AHI1: variants seen among roughly 807,000 people sequenced by gnomAD.
AHI1 encodes Abelson helper integration site 1, also known as jouberin.
In AHI1, 123 loss-of-function variants were observed where a neutral mutation model predicts 149.3. That is an observed-to-expected ratio of 0.82 (90% confidence interval 0.71 to 0.96). The LOEUF is 0.96. Among genes scored for constraint, AHI1 ranks in the 40% least tolerant of loss-of-function variants. The pLI is 0.00. For synonymous variants in AHI1, 475 were observed against 459.8 expected (o/e 1.03, Z -0.42); for missense variants, 1,439 against 1,422.7 (o/e 1.01, Z -0.18).
intron 17 of AHI1, 66 bp from the exon 18 acceptor site, chr6:135,430,066 C>T (rs1444753969): frequency 1.0e-5 from 8 of 798,148 alleles, no homozygotes; most frequent in Non-Finnish European, 1.6e-5. Flanking sequence ...TTTGGGGGTA[C>T]AAAATTAATC....
At chr6:135,478,166 C>T (rs1284616890) in intron 5 of AHI1, among the ~76,000 whole-genome samples, 1 of 152,060 alleles carries the variant, frequency 6.6e-6, no homozygotes, top group Non-Finnish European at 1.5e-5. Context: ...AGAAGTGGGG[C>T]ATTGCTATAA....
At chr6:135,407,940 C>A (rs972580848) in intron 21 of AHI1, among the ~76,000 whole-genome samples, 1 of 151,628 alleles carries the variant, frequency 6.6e-6, no homozygotes, top group South Asian at 2.1e-4. Flanking sequence ...GAGGCTGAGG[C>A]AGGAGAATGG....
At chr6:135,440,544 C>T (rs956649086) in intron 14 of AHI1, among the ~76,000 whole-genome samples, 1 of 152,084 alleles carries the variant, frequency 6.6e-6, no homozygotes, top group Admixed American at 6.6e-5. Context: ...ACTTCTCACT[C>T]GGGCTGACGT....
chr6:135,428,908 A>G, intron 18 of AHI1, 149 bp from the exon 19 acceptor site: 1 of 690,132 alleles, frequency 1.4e-6, no homozygotes, highest in East Asian at 2.9e-5. Context: ...AATATAATGG[A>G]TGCAGAATAA....
intron 5 of AHI1, among the ~76,000 whole-genome samples, chr6:135,476,156 T>C (rs1213488980): frequency 6.6e-6 from 1 of 152,174 alleles, no homozygotes; most frequent in Non-Finnish European, 1.5e-5. Context: ...TGTAATTTCA[T>C]TTTTAGTTAG....
intron 26 of AHI1, chr6:135,304,929 G>C (rs1029813643): frequency 6.6e-6 from 1 of 152,052 alleles, no homozygotes; most frequent in Admixed American, 6.5e-5. Context: ...ATCTTTGAGG[G>C]GTAAGACCTA....
At chr6:135,295,943 C>T (rs560149417) in intron 27 of AHI1, among the ~76,000 whole-genome samples, 1 of 152,326 alleles carries the variant, frequency 6.6e-6, no homozygotes, top group Non-Finnish European at 1.5e-5. Context: ...ATCTCCACCT[C>T]CCGGGTTCAA....
At chr6:135,407,999 T>C (rs1032372853) in intron 21 of AHI1, among the ~76,000 whole-genome samples, 20 of 151,424 alleles carry the variant, frequency 1.3e-4, no homozygotes, top group East Asian at 3.9e-4. Flanking sequence ...CGTGCCACTG[T>C]ACTCCAGCCT....
intron 22 of AHI1, among the ~76,000 whole-genome samples, chr6:135,396,798 T>TAC (rs1398691168): frequency 2.0e-5 from 3 of 151,734 alleles, no homozygotes; most frequent in Non-Finnish European, 3.0e-5. Flanking sequence ...TATATCTATA[T>TAC]ACACACACAT....
intron 20 of AHI1, among the ~76,000 whole-genome samples, chr6:135,413,134 GC>G (rs1455372457): frequency 6.6e-6 from 1 of 151,896 alleles, no homozygotes; most frequent in East Asian, 1.9e-4. Flanking sequence ...TTTGAGACCA[GC>G]CCTGGCAAGA....
chr6:135,480,673 G>T (rs1793477746), intron 5 of AHI1, among the ~76,000 whole-genome samples: 2 of 152,230 alleles, frequency 1.3e-5, no homozygotes, highest in South Asian at 4.2e-4. Flanking sequence ...TCCATCAATG[G>T]GTTAACCAAT....
At chr6:135,419,317 C>A (rs934753312) in intron 20 of AHI1, among the ~76,000 whole-genome samples, 3 of 152,054 alleles carry the variant, frequency 2.0e-5, no homozygotes, top group Non-Finnish European at 2.9e-5. Flanking sequence ...GTTCCTATTC[C>A]ATTATCAATC....
chr6:135,457,451 A>T, intron 9 of AHI1, 43 bp downstream of exon 9: 1 of 1,445,210 alleles, frequency 6.9e-7, no homozygotes, highest in Non-Finnish European at 9.6e-7. Context: ...GACTTCTACT[A>T]GTTTCAGTTT....
intron 17 of AHI1, 122 bp downstream of exon 17, chr6:135,431,086 A>G: frequency 1.6e-6 from 1 of 631,804 alleles, no homozygotes; most frequent in South Asian, 2.7e-5. Flanking sequence ...GATAACTAAG[A>G]AAAACTGTTA....
At position 135,457,524 on chromosome 6, in the gene AHI1, T is replaced by A. The variant is rs145996720; in HGVS notation, c.1121A>T (p.His374Leu). The A allele has an allele frequency of 3.7e-6, 6 of 1,613,768 alleles. No homozygotes were observed. The East Asian group carries it at 8.9e-5, about 24-fold the overall frequency. ...PMVKIHVVDE[H>L]TGQYVKKDDS... Reference sequence around the variant, plus strand: ...ATCTTTCTTGACATATTGACCAGTATGCTCATCAACCACATGAATTTTTAC... The same window carrying A: ...ATCTTTCTTGACATATTGACCAGTAAGCTCATCAACCACATGAATTTTTAC... The change falls in exon 9 of 29, where the codon CAT becomes CTT. Residue 374 changes from histidine to leucine, a missense_variant. Physicochemically the swap from His to Leu is moderately conservative, Grantham distance 99 (BLOSUM62 -3). Coordinates refer to ENST00000265602, the MANE Select transcript of AHI1 (RefSeq NM_001134831.2).
intron 26 of AHI1, chr6:135,301,758 C>G: frequency 1.0e-6 from 1 of 985,422 alleles, no homozygotes; most frequent in Non-Finnish European, 1.2e-6. Flanking sequence ...TAATTTTTCT[C>G]CACCAGTGGA....
At chr6:135,370,315 C>G (rs1277226995) in intron 23 of AHI1, among the ~76,000 whole-genome samples, 1 of 152,166 alleles carries the variant, frequency 6.6e-6, no homozygotes, top group Non-Finnish European at 1.5e-5. Context: ...TCTAGGGGGA[C>G]TTTGGGATTT....
intron 20 of AHI1, among the ~76,000 whole-genome samples, chr6:135,422,060 T>C (rs1442998653): frequency 6.6e-6 from 1 of 152,196 alleles, no homozygotes; most frequent in Non-Finnish European, 1.5e-5. Flanking sequence ...CATTTGTAGA[T>C]GTATCGTATG....
intron 11 of AHI1, among the ~76,000 whole-genome samples, chr6:135,450,296 A>G (rs774509896): frequency 1.3e-5 from 2 of 152,198 alleles, no homozygotes; most frequent in Non-Finnish European, 2.9e-5. Context: ...TATATTTAGC[A>G]AACAGAAATC....
Sources: allele counts gnomAD v4.1 joint callset (sites outside exome capture counted in the v4.1 genomes callset), GRCh38; gene constraint gnomAD v4.1.1; transcripts MANE v1.5; gene names NCBI Gene and HGNC (gene_info 2026-07-23, HGNC 2026-07-21).